The following TANC2 variants were observed in gnomAD, a reference collection of about 807,000 sequenced individuals.
TANC2 encodes tetratricopeptide repeat, ankyrin repeat and coiled-coil containing 2.
TANC2 carries 26 observed loss-of-function variants against 210.5 expected under a neutral mutation model. The observed-to-expected ratio is 0.12, with a 90% CI of 0.09 to 0.17. The LOEUF is 0.17. TANC2 is among the 10% of genes least tolerant of loss of function. The probability of loss-of-function intolerance (pLI) is 1.00; values close to 1 mark genes in which losing one functional copy is unlikely to be tolerated. For missense variants in TANC2, 2,129 were observed against 2,608.9 expected (o/e 0.82, Z 4.01); for synonymous variants, 931 against 967.1 (o/e 0.96, Z 0.69).
intron 15 of TANC2, among the ~76,000 whole-genome samples, chr17:63,381,944 A>G (rs1297722825): frequency 6.6e-6 from 1 of 152,238 alleles, no homozygotes; most frequent in Non-Finnish European, 1.5e-5. Context: ...CTATTCGAAC[A>G]TAAAATTCTC....
At chr17:63,372,255 G>C (rs865970775) in intron 14 of TANC2, among the ~76,000 whole-genome samples, 2 of 152,182 alleles carry the variant, frequency 1.3e-5, no homozygotes, top group South Asian at 4.1e-4. Context: ...CCTCCCCTCT[G>C]CCTGAAGTTA....
At chr17:63,221,508 A>G (rs2042191700) in intron 7 of TANC2, among the ~76,000 whole-genome samples, 1 of 152,024 alleles carries the variant, frequency 6.6e-6, no homozygotes, top group Non-Finnish European at 1.5e-5. Context: ...AATTTTTCAA[A>G]CACTTATCTC....
chr17:63,412,108 T>A lies in TANC2; in HGVS notation c.3876T>A (p.Leu1292=). 2 of 1,613,920 alleles carry A rather than the reference T, an allele frequency of 1.2e-6. No homozygotes were observed. Among genetic ancestry groups the A allele is most frequent in the Non-Finnish European group, 1.7e-6 (2 of 1,179,866 alleles). Residue 1292 remains leucine (L), a synonymous_variant, in exon 23 of 28, where the codon CTT becomes CTA. Coordinates refer to ENST00000689528, the Ensembl canonical transcript of TANC2. This position sits in a 1 kb window ranked among gnomAD's most constrained non-coding sequence, Gnocchi z 4.2. ...GGAACACTTCTGTTGTTGTCACTCT[T>A]CTGAAGAAAGGAGCCAAGATAGGTA...
chr17:63,339,211 C>T (rs1313722869), intron 11 of TANC2, among the ~76,000 whole-genome samples: 1 of 152,220 alleles, frequency 6.6e-6, no homozygotes, highest in Non-Finnish European at 1.5e-5. Context: ...GCTTTCTCTA[C>T]ATTCAAGCTG....
chr17:63,152,724 A>C (rs886911076), intron 5 of TANC2: 20 of 152,084 alleles, frequency 1.3e-4, no homozygotes, highest in African/African-American at 4.6e-4. Context: ...CTAATTTTCT[A>C]TCCCTTTCTT....
intron 11 of TANC2, among the ~76,000 whole-genome samples, chr17:63,336,247 GT>G (rs570971068): frequency 1.3e-5 from 2 of 152,358 alleles, no homozygotes; most frequent in South Asian, 4.1e-4. Flanking sequence ...AACATGGAGA[GT>G]AAGCGTGTGA....
At chr17:63,233,521 T>A (rs1025066473) in intron 7 of TANC2, among the ~76,000 whole-genome samples, 4 of 152,166 alleles carry the variant, frequency 2.6e-5, no homozygotes, top group Non-Finnish European at 4.4e-5. Context: ...CCACCCTGCT[T>A]TTTCCTTGCT....
intron 4 of TANC2, among the ~76,000 whole-genome samples, chr17:63,133,457 T>C (rs1166556740): frequency 1.3e-5 from 2 of 150,322 alleles, no homozygotes; most frequent in Non-Finnish European, 3.0e-5. Flanking sequence ...CAGCTTACTA[T>C]CCTGAAGTTT....
intron 4 of TANC2, among the ~76,000 whole-genome samples, chr17:63,122,479 G>A (rs112424821): frequency 0.062 from 9,416 of 152,314 alleles, 480 homozygotes; most frequent in African/African-American, 0.14. Flanking sequence ...GCTCATGCCT[G>A]TAATCCCAGC....
intron 5 of TANC2, among the ~76,000 whole-genome samples, chr17:63,188,830 G>A (rs773739278): frequency 7.9e-5 from 12 of 151,772 alleles, no homozygotes; most frequent in Non-Finnish European, 1.8e-4. Flanking sequence ...GTACACCTCA[G>A]TGATACTTTA....
intron 2 of TANC2, among the ~76,000 whole-genome samples, chr17:63,060,072 A>C (rs1400274563): frequency 6.6e-6 from 1 of 152,208 alleles, no homozygotes; most frequent in Non-Finnish European, 1.5e-5. Context: ...TACTACCTTC[A>C]TAGCTCCTTT....
chr17:63,060,260 T>TA (rs1050229652), intron 2 of TANC2, among the ~76,000 whole-genome samples: 2 of 152,234 alleles, frequency 1.3e-5, no homozygotes, highest in Admixed American at 6.5e-5. Flanking sequence ...CCCATTCACT[T>TA]ATGGTTGTAC....
At chr17:63,080,481 C>A (rs2036732914) in intron 3 of TANC2, among the ~76,000 whole-genome samples, 1 of 152,166 alleles carries the variant, frequency 6.6e-6, no homozygotes, top group South Asian at 2.1e-4. Flanking sequence ...ACGAAACCAG[C>A]TCATGCTGGA....
chr17:63,009,596 G>C, exon 2 of TANC2: 1 of 1,612,962 alleles, frequency 6.2e-7, no homozygotes, highest in East Asian at 2.2e-5. Flanking sequence ...GCTTACTGGT[G>C]GGAAATCAAG....
intron 4 of TANC2, among the ~76,000 whole-genome samples, chr17:63,127,654 A>G (rs72843193): frequency 0.15 from 22,643 of 152,200 alleles, 2,049 homozygotes; most frequent in Middle Eastern, 0.21. Flanking sequence ...ATTAGTCACC[A>G]TAAGAAACTG....
chr17:63,302,029 T>A (rs2044736209), intron 9 of TANC2, among the ~76,000 whole-genome samples: 2 of 152,242 alleles, frequency 1.3e-5, no homozygotes, highest in South Asian at 4.1e-4. Flanking sequence ...CTTAATTTCA[T>A]TATTTACCCA....
At chr17:63,213,717 T>C (rs1249753275) in intron 7 of TANC2, among the ~76,000 whole-genome samples, 2 of 152,210 alleles carry the variant, frequency 1.3e-5, no homozygotes, top group African/African-American at 4.8e-5. Flanking sequence ...TTAAGAACCA[T>C]TGGGCTATTA....
intron 5 of TANC2, among the ~76,000 whole-genome samples, chr17:63,155,995 TA>T (rs574059736): frequency 7.2e-5 from 11 of 152,308 alleles, no homozygotes; most frequent in East Asian, 1.9e-4. Flanking sequence ...CAAAGGATGA[TA>T]TTTTTTTCAT....
rs187885936 is a variant in TANC2 at position 63,091,314 on chromosome 17, G to A, written c.140-7861G>A. On this transcript the variant is annotated intron_variant, in intron 3 of 27. Transcript: ENST00000689528. ...CCTGTGTCCTGAATGGTATTGCCTA[G>A]GTTTTCTTCTAGGGTTTTTATGGTT... Among the ~76,000 whole-genome samples, 1,128 of 152,154 alleles carry A rather than the reference G, an allele frequency of 7.4e-3. 20 individuals are homozygous for A. Among genetic ancestry groups the A allele is most frequent in the African/African-American group, 0.026 (1,087 of 41,514 alleles).
Sources: gnomAD v4.1 joint callset for allele counts (sites outside exome capture counted in the v4.1 genomes callset) on GRCh38, gnomAD v4.1.1 for gene constraint, Gnocchi (gnomAD v3.1) non-coding constraint, MANE v1.5 for transcripts, NCBI Gene and HGNC (gene_info 2026-07-23, HGNC 2026-07-21) for gene names.